IGFBP2: variants seen among roughly 807,000 people sequenced by gnomAD.
IGFBP2 encodes insulin-like growth factor-binding protein 2.
Under a neutral mutation model 26.2 loss-of-function variants are expected in IGFBP2, and 12 were observed. The observed-to-expected ratio is 0.46, with a 90% confidence interval of 0.29 to 0.74. The LOEUF is 0.74. Ranked by LOEUF, IGFBP2 falls within the 30% of genes least tolerant of loss-of-function variation. The pLI is 0.09. For missense variants in IGFBP2, 328 were observed against 441.2 expected, an observed-to-expected ratio of 0.74 and a Z score of 2.30; for synonymous variants, 189 against 200.6, an observed-to-expected ratio of 0.94 and a Z score of 0.49.
Position 216,664,076 on chromosome 2 carries a change from G to A in IGFBP2, c.950G>A (p.Arg317His), listed in dbSNP as rs780615185. 4.3e-6 allele frequency: 7 copies of A among 1,612,126 alleles called. No individual in the cohort carries two copies. Among genetic ancestry groups the A allele is most frequent in the Admixed American group, 1.7e-5 (1 of 59,874 alleles). ...TTCTACAATGAGCAGCAGGAGGCTC[G>A]CGGGGTGCACACCCAGCGGATGCAG... ...HLFYNEQQEA[R>H]GVHTQRMQ is the part of the protein sequence containing the mutation. Residue 317 changes from arginine (R) to histidine (H), a missense_variant, in exon 4 of 4, where the codon CGC (arginine) becomes CAC (histidine). Arg to His is a conservative substitution (Grantham distance 29, BLOSUM62 0). Coordinates refer to ENST00000233809, the MANE Select transcript of IGFBP2 (RefSeq NM_000597.3). The surrounding 1 kb of genome is among the most constrained non-coding windows in gnomAD (Gnocchi z 4.6).
At chr2:216,661,568 G>A in intron 2 of IGFBP2, 1 of 499,080 alleles carries the variant, frequency 2.0e-6, no homozygotes. Flanking sequence ...CACTTAGATG[G>A]ATATTTGGAG....
chr2:216,657,321 C>T (rs1041927573), intron 1 of IGFBP2, among the ~76,000 whole-genome samples: 1 of 152,166 alleles, frequency 6.6e-6, no homozygotes, highest in Non-Finnish European at 1.5e-5. Flanking sequence ...CTGTGTGCTG[C>T]GTTAGAGGTC....
intron 2 of IGFBP2, chr2:216,661,171 C>T (rs547304723): frequency 2.8e-4 from 81 of 292,596 alleles, no homozygotes; most frequent in African/African-American, 1.8e-3. Flanking sequence ...GGTGCCATCA[C>T]ACCTCACTGC....
Position 216,660,910 on chromosome 2 carries a change from C to T in IGFBP2, c.672+124C>T, listed in dbSNP as rs1243356688. On this transcript the variant is annotated intron_variant, in intron 2 of 3. Coordinates refer to ENST00000233809, the MANE Select transcript of IGFBP2 (RefSeq NM_000597.3). ...CCTGTAGGCAAAGCACTTTTCTTTC[C>T]ACAAACATAGTTGTGGAACATAGTT... 1.2e-5 allele frequency: 9 copies of T among 721,438 alleles called. No individual in the cohort carries two copies. In the East Asian group the frequency reaches 1.9e-4, roughly 15 times the overall value. The allele number at this position is 721,438 out of a possible 1,614,324, so 44.7% of individuals were successfully genotyped here. A position where few individuals can be genotyped will look rare whatever the true frequency, so the allele number is the denominator to read the frequency against.
intron 1 of IGFBP2, among the ~76,000 whole-genome samples, chr2:216,657,611 T>C (rs1376417944): frequency 6.6e-6 from 1 of 152,086 alleles, no homozygotes; most frequent in East Asian, 2.0e-4. Flanking sequence ...TCCCTGGGTG[T>C]CTGCTGCTCT....
At chr2:216,658,035 C>CA (rs1423485629) in intron 1 of IGFBP2, among the ~76,000 whole-genome samples, 28 of 152,198 alleles carry the variant, frequency 1.8e-4, no homozygotes, top group Admixed American at 6.5e-4. Flanking sequence ...TTGTTTTGGG[C>CA]TGTAAGACAT....
intron 1 of IGFBP2, among the ~76,000 whole-genome samples, chr2:216,654,597 A>G (rs938183594): frequency 6.6e-6 from 1 of 152,092 alleles, no homozygotes; most frequent in African/African-American, 2.4e-5. Context: ...CAACTCTTTC[A>G]TTTCCCTTCC....
At chr2:216,661,438 C>T (rs763657268) in intron 2 of IGFBP2, 20 of 335,792 alleles carry the variant, frequency 6.0e-5, no homozygotes, top group Non-Finnish European at 1.1e-4. Context: ...GCTTCTCTCA[C>T]TGAGCTACCC....
intron 1 of IGFBP2, among the ~76,000 whole-genome samples, chr2:216,643,807 G>C (rs1250432742): frequency 1.3e-5 from 2 of 152,186 alleles, no homozygotes; most frequent in Non-Finnish European, 2.9e-5. Context: ...GGTGGAGGCA[G>C]GAAAGGAAAA....
chr2:216,637,796 G>T (rs1231707997), intron 1 of IGFBP2, among the ~76,000 whole-genome samples: 1 of 152,180 alleles, frequency 6.6e-6, no homozygotes, highest in Non-Finnish European at 1.5e-5. Context: ...GAAGAGGGAG[G>T]CTTAGATAGT....
intron 1 of IGFBP2, among the ~76,000 whole-genome samples, chr2:216,646,991 T>C (rs1697723067): frequency 6.6e-6 from 1 of 152,202 alleles, no homozygotes; most frequent in African/African-American, 2.4e-5. Flanking sequence ...TAACACATGC[T>C]TTTTCATGCT....
rs754549023 is a variant in IGFBP2, at chr2:216,660,662, C to G, written c.548C>G (p.Ser183Trp). 6.2e-7 allele frequency: 1 copy of G among 1,614,094 alleles called. No individual in the cohort carries two copies. The highest frequency in any genetic ancestry group is 8.5e-7 in the Non-Finnish European group (1 of 1,180,006). Residue 183 changes from serine to tryptophan, a missense_variant, in exon 2 of 4, where the codon TCG (serine) becomes TGG (tryptophan). Ser to Trp is a radical substitution (Grantham distance 177). Coordinates refer to ENST00000233809, the MANE Select transcript of IGFBP2 (RefSeq NM_000597.3). ...GGSAGRKPLK[S>W]GMKELAVFRE... ...AGTGCTGGCCGGAAGCCCCTCAAGT[C>G]GGGTATGAAGGAGCTGGCCGTGTTC...
intron 3 of IGFBP2, chr2:216,662,335 C>G (rs901319155): frequency 7.0e-6 from 2 of 285,972 alleles, no homozygotes; most frequent in East Asian, 8.4e-5. Flanking sequence ...GGAGCTCTTC[C>G]TGGGCCCGCC....
chr2:216,633,842 C>T lies in IGFBP2; in HGVS notation c.319C>T (p.Gln107Ter). Residue 107 changes from glutamine (Q) to a stop codon, truncating the protein, a stop_gained, in exon 1 of 4, where the codon CAG (glutamine) becomes TAG (stop). Transcript: ENST00000233809. LOFTEE classifies it high-confidence loss of function. The part of the protein sequence containing the change: ...ACGVYTPRCG[Q>*]GLRCYPHPGS... ...CGGCGTCTACACCCCGCGCTGCGGC[C>T]AGGGGCTGCGCTGCTATCCCCACCC... The T allele has an allele frequency of 6.5e-7, 1 of 1,547,906 alleles. No homozygotes were observed.
Position 216,633,567 on chromosome 2 carries a change from C to CGCCGCTGCTGCCGCCGCT in IGFBP2, c.58_59insCGCTGCCGCTGCTGCCGC (p.Pro19_Leu20insProLeuProLeuLeuPro). 3.1e-6 allele frequency: 3 copies of CGCCGCTGCTGCCGCCGCT among 970,434 alleles called. No individual in the cohort carries two copies. Among genetic ancestry groups the CGCCGCTGCTGCCGCCGCT allele is most frequent in the Non-Finnish European group, 2.5e-6 (2 of 810,996 alleles). 60.1% of individuals were successfully genotyped at this position (970,434 alleles called of 1,614,324 possible). On this transcript the variant is annotated inframe_insertion, in exon 1 of 4. Transcript: ENST00000233809. ...TGCCCCGCGCTGCCGCTGCCGCCGC[C>CGCCGCTGCTGCCGCCGCT]GCCGCTGCTGCCGCTGCTGCTGCTG...
At chr2:216,650,667 A>G (rs977426448) in intron 1 of IGFBP2, among the ~76,000 whole-genome samples, 1 of 152,176 alleles carries the variant, frequency 6.6e-6, no homozygotes, top group Non-Finnish European at 1.5e-5. Context: ...GTGGAGGGAG[A>G]TGATTCTCAG....
intron 1 of IGFBP2, among the ~76,000 whole-genome samples, chr2:216,644,170 T>G (rs1360895635): frequency 7.0e-6 from 1 of 142,440 alleles, no homozygotes; most frequent in African/African-American, 2.5e-5. Flanking sequence ...ATTTTTCCCT[T>G]TCCTTTTTTC....
chr2:216,640,619 G>T (rs1430604854), intron 1 of IGFBP2, among the ~76,000 whole-genome samples: 1 of 152,138 alleles, frequency 6.6e-6, no homozygotes, highest in South Asian at 2.1e-4. Flanking sequence ...CATTTTGCAG[G>T]TGTGGACACT....
At position 216,634,906 on chromosome 2, in the gene IGFBP2, T is replaced by TTTTTTTA. The variant is rs371560018; in HGVS notation, c.442+941_442+942insTTTTTTA. Among the ~76,000 whole-genome samples, 106 of 128,512 alleles carry TTTTTTTA rather than the reference T, an allele frequency of 8.2e-4. 3 individuals are homozygous for TTTTTTTA. The highest frequency in any genetic ancestry group is 2.1e-3 in the African/African-American group (73 of 35,412). 84.3% of individuals were successfully genotyped at this position (128,512 alleles called of 152,430 possible). Reference sequence around the variant, plus strand: ...TAAGGAGGTTACTTTTTTTTTTTTTTAATTACGAAAGCCTCCTGCCCCAGT... The same window carrying TTTTTTTA: ...TAAGGAGGTTACTTTTTTTTTTTTTTTTTTTTAAATTACGAAAGCCTCCTGCCCCAGT... On this transcript the variant is annotated intron_variant, in intron 1 of 3. Coordinates refer to ENST00000233809, the MANE Select transcript of IGFBP2 (RefSeq NM_000597.3).
Sources: allele counts gnomAD v4.1 joint callset (sites outside exome capture counted in the v4.1 genomes callset), GRCh38; gene constraint gnomAD v4.1.1; non-coding constraint Gnocchi (gnomAD v3.1); transcripts MANE v1.5; gene names NCBI Gene and HGNC (gene_info 2026-07-23, HGNC 2026-07-21).